GSTM3: variants seen among roughly 807,000 people sequenced by gnomAD.
GSTM3 encodes the protein glutathione S-transferase mu 3.
GSTM3 carries 34 observed loss-of-function variants against 36.1 expected under a neutral mutation model. The ratio of observed to expected loss-of-function variants is 0.94; its 90% CI spans 0.72 to 1.25. GSTM3 has a LOEUF of 1.25. GSTM3 is among the 50% of genes most tolerant of loss of function. The pLI is 0.00. For synonymous variants in GSTM3, 102 were observed against 99.5 expected, an observed-to-expected ratio of 1.03 and a Z score of -0.15; for missense variants, 266 against 281.6, an observed-to-expected ratio of 0.94 and a Z score of 0.40.
rs752239011 is a variant in GSTM3, at chr1:109,737,713, T to A, written c.411A>T (p.Gly137=). The A allele has an allele frequency of 3.7e-6, 6 of 1,609,014 alleles. No homozygotes were observed. The Admixed American group carries it at 1.0e-4, about 27-fold the overall frequency. Residue 137 remains glycine (G), a synonymous_variant, in exon 7 of 9, where the codon GGA becomes GGT. Transcript: ENST00000361066. ...GAAACATGGAGAATTGTTTCAGTTG[T>A]CCAGGTAGCTCTTCCAAGTACTGAG... is the stretch of plus-strand genomic sequence containing the variant. The part of the protein sequence containing the change: ...LKPQYLEELP[G]QLKQFSMFLG...
intron 8 of GSTM3, 77 bp from the exon 9 acceptor site, chr1:109,737,246 C>T (rs1486658500): frequency 8.7e-6 from 9 of 1,033,938 alleles, no homozygotes; most frequent in Non-Finnish European, 1.4e-5. Context: ...GCAACATTCA[C>T]GTGTTGCCTG....
rs774700431 is a variant in GSTM3 at position 109,739,414 on chromosome 1, A to G, written c.189+15T>C. 19 of 1,598,670 alleles carry G rather than the reference A, an allele frequency of 1.2e-5. No individual in the cohort carries two copies. Among genetic ancestry groups the G allele is most frequent in the Non-Finnish European group, 1.6e-5 (19 of 1,166,704 alleles). ...GCTTTCCCTTCTGCCCGCCACCTCT[A>G]CTAAAGCCACTTACATTAGGAAAGT... On this transcript the variant is annotated intron_variant, in intron 4 of 8. Transcript: ENST00000361066.
chr1:109,738,412 G>T, intron 4 of GSTM3, 46 bp from the exon 5 acceptor site: 1 of 1,209,976 alleles, frequency 8.3e-7, no homozygotes, highest in Non-Finnish European at 1.2e-6. Flanking sequence ...CCTCTCTCTT[G>T]ATTCCCTACC....
At position 109,738,085 on chromosome 1, in the gene GSTM3, A is replaced by G. The variant is rs1649258947; in HGVS notation, c.372+6T>C. ...CATTCAGCAGATGTGTGCTAAGGAA[A>G]CTCACGTGGTCAGAGCTGTAACAGA... On this transcript the variant is annotated splice_donor_region_variant and intron_variant, in intron 6 of 8. Transcript: ENST00000361066. 1.3e-6 allele frequency: 2 copies of G among 1,591,406 alleles called. No homozygotes were observed. The highest frequency in any genetic ancestry group is 8.6e-7 in the Non-Finnish European group (1 of 1,159,348).
At position 109,739,855 on chromosome 1, in the gene GSTM3, C is replaced by T; in HGVS notation, c.102G>A (p.Glu34=). 1.3e-6 allele frequency: 2 copies of T among 1,553,622 alleles called. No homozygotes were observed. Among genetic ancestry groups the T allele is most frequent in the Non-Finnish European group, 8.7e-7 (1 of 1,147,704 alleles). The change falls in exon 3 of 9, where the codon GAG becomes GAA. Residue 34 remains glutamate, a synonymous_variant. Transcript: ENST00000361066. Reference sequence around the variant, plus strand: ...TACCTTCCCCGCACGTGTACCGTTTCTCCTCATAAGAGGTATCCGTGAACT... The same window carrying T: ...TACCTTCCCCGCACGTGTACCGTTTTTCCTCATAAGAGGTATCCGTGAACT... ...LLEFTDTSYE[E]KRYTCGEAPD... is the part of the protein sequence containing the mutation.
chr1:109,737,377 G>T (rs1557979127), intron 8 of GSTM3, 80 bp downstream of exon 8: 1 of 982,300 alleles, frequency 1.0e-6, no homozygotes, highest in East Asian at 2.4e-5. Context: ...AGCCGGGGAA[G>T]AATCCTCCAC....
At chr1:109,740,784 T>C (rs1231371475) in intron 1 of GSTM3, among the ~76,000 whole-genome samples, 169 bp downstream of exon 1, 1 of 152,160 alleles carries the variant, frequency 6.6e-6, no homozygotes, top group East Asian at 1.9e-4. Context: ...AGCTCCCCTC[T>C]CTGTCAGTCA....
Position 109,740,293 on chromosome 1 carries a change from C to G in GSTM3, c.-6G>C, listed in dbSNP as rs1206149231. The G allele has an allele frequency of 6.2e-7, 1 of 1,612,914 alleles. No homozygotes were observed. Among genetic ancestry groups the G allele is most frequent in the African/African-American group, 1.3e-5 (1 of 74,918 alleles). On this transcript the variant is annotated 5_prime_UTR_variant, in exon 2 of 9. Transcript: ENST00000361066. Reference sequence around the variant, plus strand: ...ATAGACGACTCGCACGACATGGTGACGGGCTTCCGAGCCTTCGAGGACTAG... The same window carrying G: ...ATAGACGACTCGCACGACATGGTGAGGGGCTTCCGAGCCTTCGAGGACTAG...
In GSTM3 at chr1:109,736,439, C is replaced by CAA. The variant is rs1649203417; in HGVS notation, c.*631_*632insTT. ...AGGCAGAGCAGCCTATGGTTTTTTTCTTTTTACGTCTTTAAAGAAACTTCT... is the reference window on the plus strand; with the variant it reads ...AGGCAGAGCAGCCTATGGTTTTTTTCAATTTTTACGTCTTTAAAGAAACTTCT... On this transcript the variant is annotated 3_prime_UTR_variant, in exon 9 of 9. Coordinates refer to ENST00000361066, the MANE Select transcript of GSTM3 (RefSeq NM_000849.5). 1 of 150,660 alleles carries CAA rather than the reference C, an allele frequency of 6.6e-6. No individual in the cohort carries two copies. The highest frequency in any genetic ancestry group is 1.5e-5 in the Non-Finnish European group (1 of 67,704). 9.3% of individuals were successfully genotyped at this position (150,660 alleles called of 1,614,324 possible).
In GSTM3 at chr1:109,737,035, A is replaced by G. The variant is rs1649217630; in HGVS notation, c.*36T>C. On this transcript the variant is annotated 3_prime_UTR_variant, in exon 9 of 9. Transcript: ENST00000361066. ...AGAGCGCTGACCCCTTACGGACAGG[A>G]TGAAACAAAACAAGCTCTGCAAGTC... 5 of 1,328,170 alleles carry G rather than the reference A, an allele frequency of 3.8e-6. No homozygotes were observed. The highest frequency in any genetic ancestry group is 1.7e-5 in the Admixed American group (1 of 59,376). 82.3% of individuals were successfully genotyped at this position (1,328,170 alleles called of 1,614,324 possible).
intron 2 of GSTM3, 93 bp from the exon 3 acceptor site, chr1:109,740,001 T>A (rs1449557150): frequency 1.3e-5 from 14 of 1,108,816 alleles, no homozygotes; most frequent in Non-Finnish European, 1.7e-5. Flanking sequence ...GCCGAGTCCC[T>A]GCGTCCTGCC....
rs747271780 is a variant in GSTM3, at chr1:109,735,633, G to GAGTTTTTTTTTTTTTTTTTTTTT, written c.*1437_*1438insAAAAAAAAAAAAAAAAAAAAACT. On this transcript the variant is annotated 3_prime_UTR_variant, in exon 9 of 9. Coordinates refer to ENST00000361066, the MANE Select transcript of GSTM3 (RefSeq NM_000849.5). ...CATCTTAGTATATGTCTCTTTGAAT[G>GAGTTTTTTTTTTTTTTTTTTTTT]TTTTTTTTTTTTTTTTTTTTTTTTT... The GAGTTTTTTTTTTTTTTTTTTTTT allele has an allele frequency of 6.6e-5, 4 of 60,720 alleles. 1 individual carries two copies. The highest frequency in any genetic ancestry group is 1.1e-4 in the Non-Finnish European group (3 of 28,564). 3.8% of individuals were successfully genotyped at this position (60,720 alleles called of 1,614,324 possible). A position where few individuals can be genotyped will look rare whatever the true frequency, so the allele number is the denominator to read the frequency against.
rs945463811 is a variant in GSTM3, at chr1:109,735,703, C to T, written c.*1368G>A. 4 of 124,880 alleles carry T rather than the reference C, an allele frequency of 3.2e-5. No homozygotes were observed. The highest frequency in any genetic ancestry group is 4.7e-5 in the Non-Finnish European group (3 of 64,412). The allele number at this position is 124,880 out of a possible 1,614,324, so 7.7% of individuals were successfully genotyped here. A position where few individuals can be genotyped will look rare whatever the true frequency, so the allele number is the denominator to read the frequency against. On this transcript the variant is annotated 3_prime_UTR_variant, in exon 9 of 9. Coordinates refer to ENST00000361066, the MANE Select transcript of GSTM3 (RefSeq NM_000849.5). ...CTGTAGCCAGGCTGGAGTGCAGTGG[C>T]GTGATCTCGGCTCACTGCAACCTCT...
Position 109,735,032 on chromosome 1 carries a change from C to T in GSTM3, c.*2039G>A, listed in dbSNP as rs1436542995. ...CACAAGCAATGCATGAGCACATTCT[C>T]TTAGTTAGAAAAGCAAGTCTTAGCC... On this transcript the variant is annotated 3_prime_UTR_variant, in exon 9 of 9. Coordinates refer to ENST00000361066, the MANE Select transcript of GSTM3 (RefSeq NM_000849.5). The T allele has an allele frequency of 1.3e-5, 2 of 152,236 alleles. No individual in the cohort carries two copies. Among genetic ancestry groups the T allele is most frequent in the East Asian group, 3.8e-4 (2 of 5,198 alleles). The allele number at this position is 152,236 out of a possible 1,614,324, so 9.4% of individuals were successfully genotyped here.
intron 3 of GSTM3, 55 bp from the exon 4 acceptor site, chr1:109,739,548 G>A: frequency 1.6e-6 from 2 of 1,279,654 alleles, no homozygotes; most frequent in Non-Finnish European, 2.3e-6. Context: ...CACCTGACAA[G>A]AGCAAAAGAT....
At chr1:109,738,403 C>G (rs1376412103) in intron 4 of GSTM3, 37 bp from the exon 5 acceptor site, 1 of 1,361,002 alleles carries the variant, frequency 7.3e-7, no homozygotes. Flanking sequence ...AACAACCTGC[C>G]TCTCTCTTGA....
Position 109,737,663 on chromosome 1 carries a change from C to T in GSTM3, c.461G>A (p.Gly154Glu), listed in dbSNP as rs1649244393. The T allele has an allele frequency of 6.2e-7, 1 of 1,606,954 alleles. No homozygotes were observed. Among genetic ancestry groups the T allele is most frequent in the Non-Finnish European group, 8.5e-7 (1 of 1,174,792 alleles). The change falls in exon 7 of 9, where the codon GGG becomes GAG. Residue 154 changes from glycine to glutamate, a missense_variant. Transcript: ENST00000361066. ...MFLGKFSWFA[G>E]EKLTFVDFLT... ...CTTTTCCCTTCTTCCTACCTTTTCC[C>T]CGGCAAACCATGAGAATTTCCCCAG...
chr1:109,737,050 CTCTGCAAG>C lies in GSTM3; in HGVS notation c.*13_*20del. On this transcript the variant is annotated 3_prime_UTR_variant, in exon 9 of 9. Transcript: ENST00000361066. ...TACGGACAGGATGAAACAAAACAAG[CTCTGCAAG>C]TCTGCCTCCTGCTCAGCATACAGGC... 6.8e-7 allele frequency: 1 copy of C among 1,479,212 alleles called. No individual in the cohort carries two copies. Among genetic ancestry groups the C allele is most frequent in the Admixed American group, 1.7e-5 (1 of 59,662 alleles). The allele number at this position is 1,479,212 out of a possible 1,614,324, so 91.6% of individuals were successfully genotyped here. A position where few individuals can be genotyped will look rare whatever the true frequency, so the allele number is the denominator to read the frequency against.
In GSTM3 at chr1:109,736,001, T is replaced by C. The variant is rs539635833; in HGVS notation, c.*1070A>G. 6.6e-6 allele frequency: 1 copy of C among 152,290 alleles called. No individual in the cohort carries two copies. The highest frequency in any genetic ancestry group is 2.4e-5 in the African/African-American group (1 of 41,548). The allele number at this position is 152,290 out of a possible 1,614,324, so 9.4% of individuals were successfully genotyped here. On this transcript the variant is annotated 3_prime_UTR_variant, in exon 9 of 9. Coordinates refer to ENST00000361066, the MANE Select transcript of GSTM3 (RefSeq NM_000849.5). ...ATAGGATATGATTTAAATTTTACAA[T>C]TGTCCTCCAAAGTAGCTATACTAAT...
Sources: gnomAD v4.1 joint callset for allele counts (sites outside exome capture counted in the v4.1 genomes callset) on GRCh38, gnomAD v4.1.1 for gene constraint, MANE v1.5 for transcripts, NCBI Gene and HGNC (gene_info 2026-07-23, HGNC 2026-07-21) for gene names.